RRM2: variants seen among roughly 807,000 people sequenced by gnomAD.
RRM2 encodes ribonucleoside-diphosphate reductase subunit M2.
RRM2 carries 6 observed loss-of-function variants against 45.9 expected under a neutral mutation model. That is an observed-to-expected ratio of 0.13 (90% confidence interval 0.07 to 0.26). RRM2 has a LOEUF of 0.26. RRM2 is among the 10% of genes least tolerant of loss of function. The probability of loss-of-function intolerance (pLI) is 1.00; values close to 1 mark genes in which losing one functional copy is unlikely to be tolerated. For synonymous variants in RRM2, 177 were observed against 173.0 expected (o/e 1.02, Z -0.18); for missense variants, 343 against 489.5 (o/e 0.70, Z 2.82).
At chr2:10,158,930 C>T (rs1424746573) in intron 3 of RRM2, among the ~76,000 whole-genome samples, 1 of 152,154 alleles carries the variant, frequency 6.6e-6, no homozygotes, top group African/African-American at 2.4e-5. Context: ...AGAGCTCGTC[C>T]CCAGACCTTC....
chr2:10,149,532 A>G (rs906209341), intron 3 of RRM2, among the ~76,000 whole-genome samples: 1 of 151,936 alleles, frequency 6.6e-6, no homozygotes, highest in Non-Finnish European at 1.5e-5. Flanking sequence ...TTCACTTGCC[A>G]CTTGTTTTTC....
intron 3 of RRM2, among the ~76,000 whole-genome samples, chr2:10,165,747 G>A (rs1663666139): frequency 6.6e-6 from 1 of 152,248 alleles, no homozygotes; most frequent in South Asian, 2.1e-4. Context: ...CACCCAGAGA[G>A]ACCGGGATGC....
rs561991628 is a variant in RRM2, at chr2:10,161,615, T to C, written n.482+19240T>C. Among the ~76,000 whole-genome samples the C allele has an allele frequency of 6.1e-4, 93 of 152,220 alleles. 2 individuals are homozygous for C. The South Asian group carries it at 0.019, about 31-fold the overall frequency. ...ACACAGCCACACACACACATTCATA[T>C]GCATACTCACACATGCTCACTCATG... On this transcript the variant is annotated intron_variant and non_coding_transcript_variant, in intron 3 of 3. Transcript: ENST00000381786.
At chr2:10,139,705 T>A (rs1327478400), upstream of RRM2, among the ~76,000 whole-genome samples, 1 of 152,224 alleles carries the variant, frequency 6.6e-6, no homozygotes, top group East Asian at 1.9e-4. Context: ...TTCAGAGAGC[T>A]GGACTGTCCC....
chr2:10,133,532 GCA>G (rs910892330), downstream of RRM2, among the ~76,000 whole-genome samples: 1 of 152,146 alleles, frequency 6.6e-6, no homozygotes, highest in African/African-American at 2.4e-5. Context: ...AGCAAGACAG[GCA>G]CAGGCCCAGC....
At chr2:10,167,664 A>T (rs74691002) in intron 3 of RRM2, among the ~76,000 whole-genome samples, 2 of 152,082 alleles carry the variant, frequency 1.3e-5, no homozygotes, top group African/African-American at 4.8e-5. Flanking sequence ...GCCAGGAGGA[A>T]GTGGAGAGGT....
chr2:10,181,751 TCTC>T (rs148998419), intron 3 of RRM2, among the ~76,000 whole-genome samples: 14,854 of 99,226 alleles, frequency 0.15, 912 homozygotes, highest in Non-Finnish European at 0.22. Flanking sequence ...TCTCTCTCTC[TCTC>T]TTTTTTTTTT....
intron 3 of RRM2, among the ~76,000 whole-genome samples, chr2:10,163,677 G>A (rs987756365): frequency 3.2e-4 from 49 of 152,240 alleles, no homozygotes; most frequent in African/African-American, 4.3e-4. Flanking sequence ...GCAGCCAGGC[G>A]CGAGCCTCGG....
At position 10,127,307 on chromosome 2, in the gene RRM2, C is replaced by T. The variant is rs977032348; in HGVS notation, c.798+87C>T. On this transcript the variant is annotated intron_variant, in intron 7 of 9. Transcript: ENST00000304567. The surrounding 1 kb of genome is among the most constrained non-coding windows in gnomAD (Gnocchi z 4.1). ...TGTTCACTGACGGGGACCTGAGATG[C>T]TAGATGGCATATATCCACATTTAAT... 1.9e-5 allele frequency: 26 copies of T among 1,356,328 alleles called. No homozygotes were observed. The highest frequency in any genetic ancestry group is 2.6e-5 in the Non-Finnish European group (25 of 976,854). 84.0% of individuals were successfully genotyped at this position (1,356,328 alleles called of 1,614,324 possible). A position where few individuals can be genotyped will look rare whatever the true frequency, so the allele number is the denominator to read the frequency against.
chr2:10,164,111 G>A (rs960528760), intron 3 of RRM2, among the ~76,000 whole-genome samples: 5 of 151,828 alleles, frequency 3.3e-5, no homozygotes, highest in African/African-American at 1.2e-4. Flanking sequence ...TGGCTGTGTT[G>A]GATAGAAGTG....
rs34953170 is a variant in RRM2, at chr2:10,199,842, A to AT, written n.483-10460dup. Reference sequence around the variant, plus strand: ...TGGTATGACTAGTTTGCTTTGCCAGATTTTTTTTTAGGTAAAGTTTCACTC... The same window carrying AT: ...TGGTATGACTAGTTTGCTTTGCCAGATTTTTTTTTTAGGTAAAGTTTCACTC... On this transcript the variant is annotated intron_variant and non_coding_transcript_variant, in intron 3 of 3. Transcript: ENST00000381786. 5.6e-5 allele frequency among the ~76,000 whole-genome samples: 8 copies of AT among 142,494 alleles called. No homozygotes were observed. The South Asian group carries it at 9.1e-4, about 16-fold the overall frequency. The allele number at this position is 142,494 out of a possible 152,430, so 93.5% of individuals were successfully genotyped here.
chr2:10,199,705 A>G (rs1167377161), intron 3 of RRM2, among the ~76,000 whole-genome samples: 4 of 136,110 alleles, frequency 2.9e-5, no homozygotes, highest in East Asian at 2.6e-4. Context: ...GCGTGAACCC[A>G]GAAGGTGGAG....
chr2:10,140,852 G>A (rs1663066165), upstream of RRM2, among the ~76,000 whole-genome samples: 1 of 152,122 alleles, frequency 6.6e-6, no homozygotes, highest in Non-Finnish European at 1.5e-5. Context: ...TATAATAAGT[G>A]TTGATGAGCA....
Position 10,122,789 on chromosome 2 carries a change from C to T in RRM2, c.-10C>T, listed in dbSNP as rs1380451409. 2 of 1,578,844 alleles carry T rather than the reference C, an allele frequency of 1.3e-6. No individual in the cohort carries two copies. The highest frequency in any genetic ancestry group is 1.7e-6 in the Non-Finnish European group (2 of 1,163,478). On this transcript the variant is annotated 5_prime_UTR_variant, in exon 1 of 10. Coordinates refer to ENST00000304567, the MANE Select transcript of RRM2 (RefSeq NM_001034.4). ...CCTGGCTGCTCGCTCTGCTTCGCTG[C>T]GCCTCCACTATGCTCTCCCTCCGTG...
At position 10,129,568 on chromosome 2, in the gene RRM2, C is replaced by A; in HGVS notation, c.*182C>A. The A allele has an allele frequency of 3.1e-6, 2 of 655,458 alleles. No homozygotes were observed. Among genetic ancestry groups the A allele is most frequent in the Non-Finnish European group, 5.1e-6 (2 of 395,094 alleles). 40.6% of individuals were successfully genotyped at this position (655,458 alleles called of 1,614,324 possible). On this transcript the variant is annotated 3_prime_UTR_variant, in exon 10 of 10. Transcript: ENST00000304567. The surrounding 1 kb of genome is among the most constrained non-coding windows in gnomAD (Gnocchi z 4.8). Reference sequence around the variant, plus strand: ...CTGTTTATAGTGCTGGTAGTATCACCTTTTGCCAGAAGGCCTGGCTGGCTG... The same window carrying A: ...CTGTTTATAGTGCTGGTAGTATCACATTTTGCCAGAAGGCCTGGCTGGCTG...
chr2:10,157,177 C>T (rs892063381), intron 3 of RRM2, among the ~76,000 whole-genome samples: 5 of 151,868 alleles, frequency 3.3e-5, no homozygotes, highest in African/African-American at 7.3e-5. Context: ...TACAGGCGCC[C>T]GCCACCGCGC....
intron 3 of RRM2, among the ~76,000 whole-genome samples, chr2:10,151,974 T>C (rs995223776): frequency 5.9e-5 from 9 of 151,368 alleles, no homozygotes; most frequent in African/African-American, 2.2e-4. Context: ...TTTGAGGCAG[T>C]GTCTTGCTCT....
chr2:10,203,760 A>AATAC (rs3034307), intron 3 of RRM2, among the ~76,000 whole-genome samples: 44,129 of 149,994 alleles, frequency 0.29, 6,611 homozygotes, highest in Admixed American at 0.36. Flanking sequence ...CACAAAAATA[A>AATAC]ATACATACAT....
In RRM2 at chr2:10,171,108, CATT is replaced by C. The variant is rs552290271; in HGVS notation, n.482+28736_482+28738del. Among the ~76,000 whole-genome samples the C allele has an allele frequency of 1.0e-3, 153 of 152,346 alleles. 1 individual carries two copies. In the South Asian group the frequency reaches 0.015, roughly 15 times the overall value. ...ACTCATCATTATAGGCTGCGCCACT[CATT>C]ATAGGCTGCGGGGCCTGCACAGACC... On this transcript the variant is annotated intron_variant and non_coding_transcript_variant, in intron 3 of 3. Coordinates refer to the RRM2 transcript ENST00000381786. The surrounding 1 kb of genome is among the most constrained non-coding windows in gnomAD (Gnocchi z 4.1).
Sources: gnomAD v4.1 joint callset for allele counts (sites outside exome capture counted in the v4.1 genomes callset) on GRCh38, gnomAD v4.1.1 for gene constraint, Gnocchi (gnomAD v3.1) non-coding constraint, MANE v1.5 for transcripts, NCBI Gene and HGNC (gene_info 2026-07-23, HGNC 2026-07-21) for gene names.